The following CTNNA2 variants were observed in gnomAD, a reference collection of about 807,000 sequenced individuals.
CTNNA2 encodes the protein catenin alpha 2.
CTNNA2 carries 42 observed loss-of-function variants against 101.0 expected under a neutral mutation model. That is an observed-to-expected ratio of 0.42 (90% CI 0.32 to 0.54). CTNNA2 has a LOEUF of 0.54. CTNNA2 is among the 20% of genes least tolerant of loss of function. The probability of loss-of-function intolerance (pLI) is 0.14; values close to 1 mark genes in which losing one functional copy is unlikely to be tolerated. For synonymous variants in CTNNA2, 450 were observed against 456.4 expected, an observed-to-expected ratio of 0.99 and a Z score of 0.18; for missense variants, 871 against 1,223.1, an observed-to-expected ratio of 0.71 and a Z score of 4.29.
chr2:79,239,997 C>T (rs927050237), intron 2 of CTNNA2, among the ~76,000 whole-genome samples: 9 of 149,990 alleles, frequency 6.0e-5, no homozygotes, highest in Admixed American at 2.0e-4. Context: ...CAACCTCAGC[C>T]TCCCGGGTTC....
intron 1 of CTNNA2, among the ~76,000 whole-genome samples, chr2:79,513,913 A>G (rs926558711): frequency 6.6e-6 from 1 of 152,106 alleles, no homozygotes; most frequent in East Asian, 1.9e-4. Flanking sequence ...AAAGGAGAAG[A>G]GAGGAAAGGA....
At chr2:80,034,846 T>G (rs971839747) in intron 7 of CTNNA2, among the ~76,000 whole-genome samples, 1 of 152,088 alleles carries the variant, frequency 6.6e-6, no homozygotes, top group African/African-American at 2.4e-5. Flanking sequence ...TCTGCACAAC[T>G]CCTGTAGAAG....
intron 4 of CTNNA2, among the ~76,000 whole-genome samples, chr2:79,412,765 T>C (rs1468262540): frequency 1.3e-5 from 2 of 152,054 alleles, no homozygotes; most frequent in Admixed American, 1.3e-4. Context: ...GGGAAATTTA[T>C]AGCACAAAGA....
chr2:79,895,764 G>A (rs1326817556), intron 6 of CTNNA2, among the ~76,000 whole-genome samples: 1 of 148,942 alleles, frequency 6.7e-6, no homozygotes, highest in African/African-American at 2.5e-5. Context: ...ATTTTGGACA[G>A]AAATGTAACA....
chr2:79,294,214 G>GGAAGAAGAAGAAGAA (rs755348814), intron 2 of CTNNA2, among the ~76,000 whole-genome samples: 2 of 147,450 alleles, frequency 1.4e-5, no homozygotes, highest in African/African-American at 5.1e-5. Flanking sequence ...AAGAAGAAGA[G>GGAAGAAGAAGAAGAA]GAAGAAGAAG....
chr2:80,619,602 A>G (rs905469606), intron 18 of CTNNA2, among the ~76,000 whole-genome samples: 1 of 151,934 alleles, frequency 6.6e-6, no homozygotes, highest in Non-Finnish European at 1.5e-5. Context: ...TTTCAGGGTC[A>G]TGAAATATCC....
chr2:79,719,856 A>T (rs1017058373), intron 2 of CTNNA2, among the ~76,000 whole-genome samples: 2 of 151,888 alleles, frequency 1.3e-5, no homozygotes, highest in Non-Finnish European at 2.9e-5. Flanking sequence ...TGTTTACTCT[A>T]TCTACTGTTT....
At chr2:79,984,194 G>A (rs1257042322) in intron 7 of CTNNA2, among the ~76,000 whole-genome samples, 1 of 152,094 alleles carries the variant, frequency 6.6e-6, no homozygotes, top group South Asian at 2.1e-4. Flanking sequence ...TAATTGCCAC[G>A]GAATTTTCAT....
intron 7 of CTNNA2, among the ~76,000 whole-genome samples, chr2:80,369,314 G>A (rs547478899): frequency 6.6e-6 from 1 of 152,164 alleles, no homozygotes; most frequent in East Asian, 1.9e-4. Context: ...ATAAGGCAGG[G>A]ACTTCTTAAA....
intron 6 of CTNNA2, among the ~76,000 whole-genome samples, chr2:79,891,086 AT>A (rs1684268578): frequency 6.6e-6 from 1 of 151,702 alleles, no homozygotes; most frequent in East Asian, 2.0e-4. Flanking sequence ...ATATTTGGAC[AT>A]TTTTCTATAT....
At chr2:79,591,285 A>C (rs1676827729) in intron 1 of CTNNA2, among the ~76,000 whole-genome samples, 1 of 152,208 alleles carries the variant, frequency 6.6e-6, no homozygotes, top group East Asian at 1.9e-4. Flanking sequence ...TCAAAAGATC[A>C]TTTATATGAA....
At chr2:80,026,318 T>G (rs1694921525) in intron 7 of CTNNA2, among the ~76,000 whole-genome samples, 2 of 152,150 alleles carry the variant, frequency 1.3e-5, no homozygotes. Flanking sequence ...TTGAAATGAA[T>G]AACAAGCATT....
chr2:79,397,823 A>C (rs1043003300), intron 4 of CTNNA2, among the ~76,000 whole-genome samples: 1 of 151,698 alleles, frequency 6.6e-6, no homozygotes, highest in Non-Finnish European at 1.5e-5. Flanking sequence ...AAGTCTGTTT[A>C]TTTTTTTTAT....
chr2:79,627,109 C>A (rs1222234161), intron 1 of CTNNA2, among the ~76,000 whole-genome samples: 1 of 152,066 alleles, frequency 6.6e-6, no homozygotes, highest in Non-Finnish European at 1.5e-5. Flanking sequence ...TCTGGGAATG[C>A]GTTTTAGCGT....
chr2:80,624,222 T>C (rs551854388), intron 18 of CTNNA2, among the ~76,000 whole-genome samples: 3 of 143,130 alleles, frequency 2.1e-5, no homozygotes, highest in African/African-American at 7.4e-5. Flanking sequence ...TTGACTTCTT[T>C]AATTAAGTGA....
At chr2:79,272,126 G>A (rs1388096842) in intron 2 of CTNNA2, among the ~76,000 whole-genome samples, 4 of 151,930 alleles carry the variant, frequency 2.6e-5, no homozygotes, top group African/African-American at 4.8e-5. Context: ...TAAGACTTAC[G>A]ATACCCCTTT....
intron 2 of CTNNA2, among the ~76,000 whole-genome samples, chr2:79,680,644 AT>A (rs1250847782): frequency 3.9e-5 from 6 of 152,194 alleles, no homozygotes; most frequent in African/African-American, 1.4e-4. Flanking sequence ...TTGTTTCAGA[AT>A]TTCATCAGTG....
At chr2:79,408,256 GA>G (rs1422869549) in intron 4 of CTNNA2, among the ~76,000 whole-genome samples, 1 of 151,432 alleles carries the variant, frequency 6.6e-6, no homozygotes, top group Admixed American at 6.6e-5. Flanking sequence ...TGAACTTTGA[GA>G]AAGTGATTTT....
intron 9 of CTNNA2, among the ~76,000 whole-genome samples, chr2:80,528,092 C>T (rs542216785): frequency 1.2e-4 from 19 of 152,278 alleles, no homozygotes; most frequent in African/African-American, 4.6e-4. Context: ...AGAATCAATT[C>T]TTCTTGGTAA....
Sources: allele counts gnomAD v4.1 joint callset (sites outside exome capture counted in the v4.1 genomes callset), GRCh38; gene constraint gnomAD v4.1.1; transcripts MANE v1.5; gene names NCBI Gene and HGNC (gene_info 2026-07-23, HGNC 2026-07-21).